Variants in KCTD20 observed in about 807,000 individuals in gnomAD.
KCTD20 encodes the protein BTB/POZ domain-containing protein KCTD20.
Under a neutral mutation model 39.6 loss-of-function variants are expected in KCTD20, and 30 were observed. That is an observed-to-expected ratio of 0.76 (90% confidence interval 0.57 to 1.03). The LOEUF (loss-of-function observed/expected upper bound fraction) is 1.03, where lower values mean the gene tolerates loss of function less well. Ranked by LOEUF, KCTD20 falls within the 50% of genes least tolerant of loss-of-function variation. The pLI is 0.00. For synonymous variants in KCTD20, 162 were observed against 180.6 expected, an observed-to-expected ratio of 0.90 and a Z score of 0.83; for missense variants, 422 against 522.0, an observed-to-expected ratio of 0.81 and a Z score of 1.87.
chr6:36,448,015 G>GTGTATGTGTATATATATATA (rs559687288), intron 1 of KCTD20, among the ~76,000 whole-genome samples: 5 of 128,946 alleles, frequency 3.9e-5, no homozygotes, highest in Admixed American at 1.5e-4. Context: ...ATGTGTGTGT[G>GTGTATGTGTATATATATATA]TATATATATA....
At chr6:36,476,235 G>T (rs1776058376) in intron 3 of KCTD20, among the ~76,000 whole-genome samples, 1 of 152,110 alleles carries the variant, frequency 6.6e-6, no homozygotes, top group African/African-American at 2.4e-5. Context: ...TATACATGTA[G>T]ATTTGGCTTT....
rs559687288 is a variant in KCTD20 at position 36,448,015 on chromosome 6, G to GTGTATGTA, written c.-47+4905_-47+4906insGTATGTAT. On this transcript the variant is annotated intron_variant, in intron 1 of 7. Transcript: ENST00000373731. ...CCAAAATATATGTGTATGTGTGTGT[G>GTGTATGTA]TATATATATATATATATATATATAT... 0.017 allele frequency among the ~76,000 whole-genome samples: 2,133 copies of GTGTATGTA among 128,902 alleles called. 133 individuals are homozygous for GTGTATGTA. The East Asian group carries it at 0.22, about 13-fold the overall frequency. 84.6% of individuals were successfully genotyped at this position (128,902 alleles called of 152,430 possible).
chr6:36,490,852 G>A lies in KCTD20; in HGVS notation c.*3677G>A, dbSNP rs1331214058. ...CCTGTCTCAATATTTTAAGTCAAGGGTTTGTAGTAATGTATTCAGTGCCAC... is the reference window on the plus strand; with the variant it reads ...CCTGTCTCAATATTTTAAGTCAAGGATTTGTAGTAATGTATTCAGTGCCAC... On this transcript the variant is annotated 3_prime_UTR_variant, in exon 8 of 8. Transcript: ENST00000373731. 1 of 152,114 alleles carries A rather than the reference G, an allele frequency of 6.6e-6. No homozygotes were observed. The highest frequency in any genetic ancestry group is 1.9e-4 in the East Asian group (1 of 5,186). 9.4% of individuals were successfully genotyped at this position (152,114 alleles called of 1,614,324 possible). A position where few individuals can be genotyped will look rare whatever the true frequency, so the allele number is the denominator to read the frequency against.
At chr6:36,466,685 T>C (rs1298404238) in intron 1 of KCTD20, among the ~76,000 whole-genome samples, 1 of 152,094 alleles carries the variant, frequency 6.6e-6, no homozygotes. Context: ...CCTTGCCTTT[T>C]TTTCTTTCCT....
intron 1 of KCTD20, chr6:36,465,568 G>A (rs921758282): frequency 2.6e-5 from 4 of 151,856 alleles, no homozygotes; most frequent in African/African-American, 7.3e-5. Flanking sequence ...CAAGATGATT[G>A]TTCTAGAGAG....
chr6:36,477,042 G>A (rs1055219686), intron 3 of KCTD20, among the ~76,000 whole-genome samples: 1 of 152,248 alleles, frequency 6.6e-6, no homozygotes, highest in African/African-American at 2.4e-5. Flanking sequence ...GTCCCATGAA[G>A]AGGAGAGTCT....
At chr6:36,456,783 G>A (rs1775449710) in intron 1 of KCTD20, among the ~76,000 whole-genome samples, 1 of 151,956 alleles carries the variant, frequency 6.6e-6, no homozygotes, top group Non-Finnish European at 1.5e-5. Flanking sequence ...TGTGGAGCCT[G>A]TAACCCACTC....
At chr6:36,484,617 G>T in intron 6 of KCTD20, 97 bp from the exon 7 acceptor site, 1 of 603,018 alleles carries the variant, frequency 1.7e-6, no homozygotes, top group South Asian at 2.5e-5. Context: ...TTGGGATTAG[G>T]AGTCAAGTAT....
chr6:36,455,277 A>C (rs747011388), intron 1 of KCTD20, among the ~76,000 whole-genome samples: 8 of 152,014 alleles, frequency 5.3e-5, no homozygotes, highest in South Asian at 2.1e-4. Context: ...GTGTGGTGGC[A>C]GGTGTCTGTA....
intron 1 of KCTD20, among the ~76,000 whole-genome samples, chr6:36,461,051 A>T (rs1024100993): frequency 6.6e-6 from 1 of 152,164 alleles, no homozygotes; most frequent in African/African-American, 2.4e-5. Context: ...AGTGCATGAT[A>T]TGTGTTAAAT....
At chr6:36,467,523 A>G (rs1230338141) in intron 1 of KCTD20, among the ~76,000 whole-genome samples, 1 of 150,432 alleles carries the variant, frequency 6.6e-6, no homozygotes, top group Non-Finnish European at 1.5e-5. Flanking sequence ...TTTTTAATAG[A>G]GACGGGGTTT....
chr6:36,448,015 G>GTGTGTATATATATATATATA (rs559687288), intron 1 of KCTD20, among the ~76,000 whole-genome samples: 10 of 128,954 alleles, frequency 7.8e-5, no homozygotes, highest in African/African-American at 3.4e-4. Flanking sequence ...ATGTGTGTGT[G>GTGTGTATATATATATATATA]TATATATATA....
intron 2 of KCTD20, among the ~76,000 whole-genome samples, chr6:36,473,893 C>T (rs527850310): frequency 6.6e-6 from 1 of 152,250 alleles, no homozygotes; most frequent in Admixed American, 6.5e-5. Context: ...GCCATTTGCA[C>T]TGGAACTTTT....
intron 3 of KCTD20, among the ~76,000 whole-genome samples, chr6:36,475,447 C>T (rs1776035844): frequency 6.8e-6 from 1 of 148,000 alleles, no homozygotes; most frequent in African/African-American, 2.5e-5. Context: ...AGACTCCCGT[C>T]TCAAAAAAAA....
intron 1 of KCTD20, among the ~76,000 whole-genome samples, chr6:36,455,820 A>G (rs1300439126): frequency 6.6e-6 from 1 of 152,186 alleles, no homozygotes; most frequent in Non-Finnish European, 1.5e-5. Flanking sequence ...CCTTAAAGCA[A>G]CTGATTGGAT....
At chr6:36,450,265 A>C (rs966080390) in intron 1 of KCTD20, among the ~76,000 whole-genome samples, 1 of 150,824 alleles carries the variant, frequency 6.6e-6, no homozygotes, top group Non-Finnish European at 1.5e-5. Context: ...AGGCAGGTGG[A>C]TCATCTGAGG....
chr6:36,461,450 G>C (rs1276011642), intron 1 of KCTD20, among the ~76,000 whole-genome samples: 1 of 152,076 alleles, frequency 6.6e-6, no homozygotes, highest in Non-Finnish European at 1.5e-5. Context: ...TTAAACTGGA[G>C]GTGGGTACAA....
intron 3 of KCTD20, among the ~76,000 whole-genome samples, chr6:36,475,792 C>A (rs1459535473): frequency 6.6e-6 from 1 of 152,006 alleles, no homozygotes; most frequent in Non-Finnish European, 1.5e-5. Context: ...CTGCATGGCA[C>A]AAGAACAAAG....
chr6:36,445,797 T>G (rs1296547293), intron 1 of KCTD20, among the ~76,000 whole-genome samples: 2 of 152,026 alleles, frequency 1.3e-5, no homozygotes, highest in African/African-American at 4.8e-5. Context: ...TCCAGAGAAA[T>G]TATAAGTAGA....
Sources: gnomAD v4.1 joint callset for allele counts (sites outside exome capture counted in the v4.1 genomes callset) on GRCh38, gnomAD v4.1.1 for gene constraint, MANE v1.5 for transcripts, NCBI Gene and HGNC (gene_info 2026-07-23, HGNC 2026-07-21) for gene names.